NPFFR2: variants seen among roughly 807,000 people sequenced by gnomAD.
NPFFR2 encodes the protein neuropeptide FF receptor 2.
Under a neutral mutation model 13.1 loss-of-function variants are expected in NPFFR2, and 15 were observed. The observed-to-expected ratio is 1.15, with a 90% CI of 0.77 to 1.76. The LOEUF is 1.76. NPFFR2 is among the 40% of genes most tolerant of loss of function. NPFFR2 has a pLI of 0.00. For missense variants in NPFFR2, 572 were observed against 503.5 expected, an observed-to-expected ratio of 1.14 and a Z score of -1.30; for synonymous variants, 190 against 175.7, an observed-to-expected ratio of 1.08 and a Z score of -0.65.
At chr4:72,068,850 TTTTATC>T (rs1330609156) in intron 1 of NPFFR2, 2 of 298,218 alleles carry the variant, frequency 6.7e-6, no homozygotes, top group Non-Finnish European at 1.1e-5. Flanking sequence ...TTTTTTTTTT[TTTTATC>T]TTATCTTTTT....
chr4:72,142,395 T>G (rs997408600), intron 3 of NPFFR2, among the ~76,000 whole-genome samples: 2 of 152,128 alleles, frequency 1.3e-5, no homozygotes, highest in Admixed American at 1.3e-4. Context: ...CCAGCTAAGG[T>G]GATGCCCCGT....
At chr4:72,104,994 T>A (rs1216219817) in intron 1 of NPFFR2, among the ~76,000 whole-genome samples, 1 of 88,156 alleles carries the variant, frequency 1.1e-5, no homozygotes, top group Non-Finnish European at 2.8e-5. Context: ...TATCAAATTT[T>A]AAAAATGTAG....
At chr4:72,056,984 A>C (rs1247466692) in intron 1 of NPFFR2, among the ~76,000 whole-genome samples, 1 of 151,984 alleles carries the variant, frequency 6.6e-6, no homozygotes, top group East Asian at 1.9e-4. Context: ...TGCTGTGGAC[A>C]TTGTTGAAAT....
chr4:72,091,546 T>A (rs1246369913), intron 1 of NPFFR2, among the ~76,000 whole-genome samples: 6 of 152,110 alleles, frequency 3.9e-5, no homozygotes, highest in African/African-American at 1.4e-4. Context: ...TTCTACTTCT[T>A]CTGGTTTAAT....
chr4:72,146,533 G>C (rs902641559), intron 3 of NPFFR2: 3 of 165,242 alleles, frequency 1.8e-5, no homozygotes, highest in South Asian at 3.3e-4. Flanking sequence ...CACAGCCTAA[G>C]AGCTACCCAT....
chr4:72,132,722 T>C (rs1303014145), intron 2 of NPFFR2, among the ~76,000 whole-genome samples: 2 of 152,182 alleles, frequency 1.3e-5, no homozygotes, highest in Admixed American at 1.3e-4. Flanking sequence ...CCCATTGTGG[T>C]TTTTATTTAC....
chr4:72,048,782 G>A (rs1719458479), intron 1 of NPFFR2, among the ~76,000 whole-genome samples: 1 of 151,408 alleles, frequency 6.6e-6, no homozygotes, highest in Non-Finnish European at 1.5e-5. Flanking sequence ...GTAAGCATGA[G>A]TTTTGTTGGA....
At chr4:72,111,460 A>G (rs1721564235) in intron 1 of NPFFR2, among the ~76,000 whole-genome samples, 1 of 151,994 alleles carries the variant, frequency 6.6e-6, no homozygotes, top group Non-Finnish European at 1.5e-5. Flanking sequence ...AGTTGAAGCA[A>G]TTAGGACAAC....
intron 1 of NPFFR2, among the ~76,000 whole-genome samples, chr4:72,117,755 C>T (rs1215831136): frequency 6.6e-6 from 1 of 152,110 alleles, no homozygotes; most frequent in African/African-American, 2.4e-5. Context: ...TGATTCTGGC[C>T]CTTTACCACC....
intron 1 of NPFFR2, among the ~76,000 whole-genome samples, chr4:72,075,745 T>G (rs570289278): frequency 6.6e-6 from 1 of 152,116 alleles, no homozygotes; most frequent in African/African-American, 2.4e-5. Context: ...GAAAGCATAA[T>G]GGAAATTGCC....
At chr4:72,097,043 G>A (rs537181512) in intron 1 of NPFFR2, among the ~76,000 whole-genome samples, 2 of 151,708 alleles carry the variant, frequency 1.3e-5, no homozygotes, top group African/African-American at 4.8e-5. Context: ...ATACTAGATG[G>A]TCCTACATTT....
intron 1 of NPFFR2, among the ~76,000 whole-genome samples, chr4:72,115,820 C>T (rs886831008): frequency 3.9e-5 from 6 of 152,082 alleles, no homozygotes; most frequent in Admixed American, 6.6e-5. Flanking sequence ...ATAGTCTTCA[C>T]TATTTTCTTT....
chr4:72,035,115 G>A (rs538234504), intron 1 of NPFFR2, among the ~76,000 whole-genome samples: 120 of 152,340 alleles, frequency 7.9e-4, no homozygotes, highest in African/African-American at 2.8e-3. Flanking sequence ...AGGATACAGA[G>A]TGAGAAAGCT....
chr4:72,080,331 AT>A, intron 1 of NPFFR2, among the ~76,000 whole-genome samples: 1 of 151,710 alleles, frequency 6.6e-6, no homozygotes, highest in Non-Finnish European at 1.5e-5. Flanking sequence ...CTCCTGGCTA[AT>A]TTTTGTATTT....
chr4:72,120,626 G>C (rs1418881942), intron 1 of NPFFR2, among the ~76,000 whole-genome samples: 1 of 152,184 alleles, frequency 6.6e-6, no homozygotes, highest in African/African-American at 2.4e-5. Flanking sequence ...GGTCTGGAGT[G>C]AACCTCCAGC....
At chr4:72,089,233 A>ATGGG (rs1720849431) in intron 1 of NPFFR2, among the ~76,000 whole-genome samples, 1 of 152,022 alleles carries the variant, frequency 6.6e-6, no homozygotes, top group African/African-American at 2.4e-5. Flanking sequence ...TTGTTGATTG[A>ATGGG]TGGGCATTTG....
At chr4:72,088,446 T>C (rs75877345) in intron 1 of NPFFR2, among the ~76,000 whole-genome samples, 1,995 of 152,202 alleles carry the variant, frequency 0.013, 49 homozygotes, top group African/African-American at 0.045. Flanking sequence ...AAAGATAGTT[T>C]ATAGAATATA....
rs185471219 is a variant in NPFFR2, at chr4:72,074,112, A to G, written c.-8+41912A>G. ...CTCTTGTGCTTTTGAACCAGAATTA[A>G]GTAAAATAAGGGTTACTTGAACCTA... is the stretch of plus-strand genomic sequence containing the variant. On this transcript the variant is annotated intron_variant, in intron 1 of 3. Transcript: ENST00000308744. Among the ~76,000 whole-genome samples the G allele has an allele frequency of 6.0e-5, 9 of 150,790 alleles. No homozygotes were observed. The East Asian group carries it at 1.8e-3, about 29-fold the overall frequency.
chr4:72,099,853 A>G (rs1721189124), intron 1 of NPFFR2, among the ~76,000 whole-genome samples: 1 of 152,140 alleles, frequency 6.6e-6, no homozygotes, highest in African/African-American at 2.4e-5. Context: ...GAACAGACAT[A>G]TGTGCTGTGT....
Sources: gnomAD v4.1 joint callset for allele counts (sites outside exome capture counted in the v4.1 genomes callset) on GRCh38, gnomAD v4.1.1 for gene constraint, MANE v1.5 for transcripts, NCBI Gene and HGNC (gene_info 2026-07-23, HGNC 2026-07-21) for gene names.